CDCP1: variants seen among roughly 807,000 people sequenced by gnomAD.
CDCP1 encodes CUB domain containing protein 1.
In CDCP1, 29 loss-of-function variants were observed where a neutral mutation model predicts 60.2. The ratio of observed to expected loss-of-function variants is 0.48; its 90% CI spans 0.36 to 0.66. CDCP1 has a LOEUF of 0.66. CDCP1 is among the 30% of genes least tolerant of loss of function. CDCP1 has a pLI of 0.00. For missense variants in CDCP1, 876 were observed against 1,074.3 expected (o/e 0.82, Z 2.58); for synonymous variants, 387 against 431.1 (o/e 0.90, Z 1.27).
chr3:45,102,969 T>TA (rs1023986550), intron 4 of CDCP1, among the ~76,000 whole-genome samples: 5 of 151,964 alleles, frequency 3.3e-5, no homozygotes, highest in African/African-American at 1.2e-4. Context: ...GTCTTGATTT[T>TA]TTTTTTTTGA....
Position 45,095,539 on chromosome 3 carries a change from C to T in CDCP1, c.1054G>A (p.Glu352Lys), listed in dbSNP as rs1237375050. 1 of 1,614,046 alleles carries T rather than the reference C, an allele frequency of 6.2e-7. No homozygotes were observed. The highest frequency in any genetic ancestry group is 1.7e-5 in the Admixed American group (1 of 59,994). Residue 352 changes from glutamate to lysine, a missense_variant, in exon 5 of 9, where the codon GAG (glutamate) becomes AAG (lysine). Coordinates refer to ENST00000296129, the MANE Select transcript of CDCP1 (RefSeq NM_022842.5). Reference protein sequence around the residue: ...NKIYVVDLSNERAMSLTIEPR... With the variant: ...NKIYVVDLSNKRAMSLTIEPR... Reference sequence around the variant, plus strand: ...TCGATGGTGAGTGACATGGCTCGCTCATTACTCAAGTCAACCACGTAGATT... The same window carrying T: ...TCGATGGTGAGTGACATGGCTCGCTTATTACTCAAGTCAACCACGTAGATT...
At chr3:45,099,714 C>G (rs1031355359) in intron 4 of CDCP1, among the ~76,000 whole-genome samples, 2 of 151,978 alleles carry the variant, frequency 1.3e-5, no homozygotes, top group Admixed American at 6.6e-5. Context: ...GGGAGATATC[C>G]TCAACTTTAT....
chr3:45,118,473 G>T lies in CDCP1; in HGVS notation c.231C>A (p.Val77=), dbSNP rs1698829323. The T allele has an allele frequency of 3.1e-6, 5 of 1,614,138 alleles. No homozygotes were observed. Among genetic ancestry groups the T allele is most frequent in the Non-Finnish European group, 4.2e-6 (5 of 1,179,988 alleles). Residue 77 remains valine, a synonymous_variant, in exon 2 of 9, where the codon GTC becomes GTA. Coordinates refer to ENST00000296129, the MANE Select transcript of CDCP1 (RefSeq NM_022842.5). The part of the protein sequence containing the change: ...MLSIKSGERI[V]FTFSCQSPEN... ...CAGGACTCTGGCAGCTAAAGGTAAAGACTATTCTTTCTCCAGACTTGATGG... is the reference window on the plus strand; with the variant it reads ...CAGGACTCTGGCAGCTAAAGGTAAATACTATTCTTTCTCCAGACTTGATGG...
chr3:45,145,293 A>G (rs1472250097), intron 1 of CDCP1, among the ~76,000 whole-genome samples: 2 of 152,174 alleles, frequency 1.3e-5, no homozygotes, highest in African/African-American at 4.8e-5. Context: ...GGAGAGCTCT[A>G]TTTAAAAAAC....
intron 1 of CDCP1, among the ~76,000 whole-genome samples, chr3:45,144,914 G>C (rs937418927): frequency 9.2e-5 from 14 of 152,254 alleles, no homozygotes; most frequent in African/African-American, 3.1e-4. Context: ...GGAGGCCCAG[G>C]TGGGAGGATC....
chr3:45,132,924 G>A (rs1230106950), intron 1 of CDCP1, among the ~76,000 whole-genome samples: 5 of 152,182 alleles, frequency 3.3e-5, no homozygotes, highest in Non-Finnish European at 5.9e-5. Context: ...GATATCACTC[G>A]CCTGATTAGA....
intron 4 of CDCP1, among the ~76,000 whole-genome samples, chr3:45,098,167 T>G (rs1318308876): frequency 6.7e-6 from 1 of 148,990 alleles, no homozygotes; most frequent in Non-Finnish European, 1.5e-5. Context: ...ATGCACATAC[T>G]TTAAAGCAGA....
chr3:45,126,256 T>TCTCC (rs1190849318), intron 1 of CDCP1, among the ~76,000 whole-genome samples: 2 of 150,664 alleles, frequency 1.3e-5, no homozygotes, highest in Non-Finnish European at 3.0e-5. Context: ...CCTTCTTCTC[T>TCTCC]CTCTCTCTCT....
intron 1 of CDCP1, among the ~76,000 whole-genome samples, chr3:45,129,750 C>G (rs1040483891): frequency 3.3e-5 from 5 of 152,158 alleles, no homozygotes; most frequent in Non-Finnish European, 7.3e-5. Flanking sequence ...CTTTAGTATT[C>G]CCTCCAGAGT....
intron 1 of CDCP1, among the ~76,000 whole-genome samples, chr3:45,126,370 A>G (rs1231965795): frequency 2.0e-5 from 3 of 151,922 alleles, no homozygotes; most frequent in Non-Finnish European, 4.4e-5. Context: ...CACCTCCAAC[A>G]GAATTCATTC....
intron 7 of CDCP1, among the ~76,000 whole-genome samples, chr3:45,090,788 G>A (rs1698279752): frequency 6.6e-6 from 1 of 152,188 alleles, no homozygotes; most frequent in South Asian, 2.1e-4. Flanking sequence ...TGGAGAACAA[G>A]AGATCATGTA....
rs7639308 is a variant in CDCP1, at chr3:45,091,645, T to C, written c.1628-107A>G. ...TCCAACTGTCCAGACCAGCGCTGTC[T>C]AACCGAACTTTCTGCGATGATGGAA... On this transcript the variant is annotated intron_variant, in intron 6 of 8. Coordinates refer to ENST00000296129, the MANE Select transcript of CDCP1 (RefSeq NM_022842.5). The surrounding 1 kb of genome is among the most constrained non-coding windows in gnomAD (Gnocchi z 4.8). 2.9e-3 allele frequency: 3,901 copies of C among 1,336,280 alleles called. 103 individuals carry two copies. The African/African-American group carries it at 0.049, about 17-fold the overall frequency. 82.8% of individuals were successfully genotyped at this position (1,336,280 alleles called of 1,614,324 possible).
At chr3:45,086,851 C>T (rs954577925) in intron 8 of CDCP1, among the ~76,000 whole-genome samples, 10 of 152,246 alleles carry the variant, frequency 6.6e-5, no homozygotes, top group Admixed American at 2.6e-4. Flanking sequence ...GCAGGGAATG[C>T]TGACTTTTTA....
At chr3:45,103,996 C>T (rs1698524620) in intron 4 of CDCP1, among the ~76,000 whole-genome samples, 1 of 152,212 alleles carries the variant, frequency 6.6e-6, no homozygotes, top group African/African-American at 2.4e-5. Context: ...GTGGTCACAC[C>T]ATTTGACACT....
At chr3:45,094,713 G>A (rs1291565410) in intron 5 of CDCP1, among the ~76,000 whole-genome samples, 3 of 151,780 alleles carry the variant, frequency 2.0e-5, no homozygotes, top group African/African-American at 7.3e-5. Flanking sequence ...GGGGGTGTGG[G>A]GTGTGGGGGG....
chr3:45,134,740 C>T (rs1023795285), intron 1 of CDCP1, among the ~76,000 whole-genome samples: 11 of 152,066 alleles, frequency 7.2e-5, no homozygotes, highest in African/African-American at 2.7e-4. Flanking sequence ...AACCAGGCAG[C>T]CCAGGATAAA....
At chr3:45,139,748 CA>C (rs751546203) in intron 1 of CDCP1, among the ~76,000 whole-genome samples, 7 of 152,320 alleles carry the variant, frequency 4.6e-5, no homozygotes, top group Non-Finnish European at 1.0e-4. Context: ...TCCAGCAGAG[CA>C]CAGAGTTCCA....
intron 1 of CDCP1, among the ~76,000 whole-genome samples, chr3:45,120,985 GC>G (rs1698872544): frequency 6.6e-6 from 1 of 152,076 alleles, no homozygotes; most frequent in African/African-American, 2.4e-5. Context: ...GCAGGAACTT[GC>G]CCGTATTTTT....
intron 1 of CDCP1, among the ~76,000 whole-genome samples, chr3:45,132,804 G>C (rs755109720): frequency 4.6e-5 from 7 of 152,188 alleles, no homozygotes; most frequent in Non-Finnish European, 1.0e-4. Context: ...TTCCGACAGA[G>C]GGGGCAAAGC....
Sources: allele counts gnomAD v4.1 joint callset (sites outside exome capture counted in the v4.1 genomes callset), GRCh38; gene constraint gnomAD v4.1.1; non-coding constraint Gnocchi (gnomAD v3.1); transcripts MANE v1.5; gene names NCBI Gene and HGNC (gene_info 2026-07-23, HGNC 2026-07-21).